SUGCT: variants seen among roughly 807,000 people sequenced by gnomAD.
The protein encoded by SUGCT is succinyl-CoA:glutarate-CoA transferase.
A neutral mutation model predicts 55.0 loss-of-function variants in SUGCT; 41 were observed. The ratio of observed to expected loss-of-function variants is 0.74; its 90% confidence interval spans 0.58 to 0.97. The LOEUF is 0.97. SUGCT is among the 50% of genes least tolerant of loss of function. The pLI is 0.00. For missense variants in SUGCT, 568 were observed against 547.8 expected (o/e 1.04, Z -0.37); for synonymous variants, 187 against 200.4 (o/e 0.93, Z 0.56).
chr7:40,626,206 T>C (rs1201203351), intron 12 of SUGCT, among the ~76,000 whole-genome samples: 1 of 152,020 alleles, frequency 6.6e-6, no homozygotes, highest in Non-Finnish European at 1.5e-5. Context: ...TCCCCCAGAC[T>C]CTGTGTTATT....
intron 12 of SUGCT, among the ~76,000 whole-genome samples, chr7:40,672,875 G>A (rs1225683522): frequency 1.3e-5 from 2 of 152,122 alleles, no homozygotes; most frequent in Non-Finnish European, 2.9e-5. Flanking sequence ...ACAATTTGAT[G>A]AGTTTTGATA....
chr7:40,181,445 C>A (rs1032060855), intron 2 of SUGCT, among the ~76,000 whole-genome samples: 5 of 151,928 alleles, frequency 3.3e-5, no homozygotes, highest in African/African-American at 1.2e-4. Context: ...GGATAAAATT[C>A]TAGAAAAAGA....
rs1784261256 is a variant in SUGCT at position 40,163,185 on chromosome 7, T to G, written c.101-17762T>G. On this transcript the variant is annotated intron_variant, in intron 1 of 13. Transcript: ENST00000335693. ...TAATTGCAAGAGAAGCTGGAAAATGTGGAAGAGCAGTGAGATTTGGGATTA... is the reference window on the plus strand; with the variant it reads ...TAATTGCAAGAGAAGCTGGAAAATGGGGAAGAGCAGTGAGATTTGGGATTA... Among the ~76,000 whole-genome samples the G allele has an allele frequency of 3.3e-5, 5 of 152,194 alleles. No individual in the cohort carries two copies. The South Asian group carries it at 1.0e-3, about 32-fold the overall frequency.
At chr7:40,450,447 C>G (rs1789127577) in intron 10 of SUGCT, among the ~76,000 whole-genome samples, 1 of 145,894 alleles carries the variant, frequency 6.9e-6, no homozygotes, top group African/African-American at 2.5e-5. Context: ...AGCTTTTATA[C>G]TAAATTTTAC....
intron 13 of SUGCT, among the ~76,000 whole-genome samples, chr7:40,763,841 T>C (rs1167649076): frequency 6.6e-6 from 1 of 152,154 alleles, no homozygotes; most frequent in Non-Finnish European, 1.5e-5. Flanking sequence ...ACAGAAACGA[T>C]TCCTCCTTTC....
chr7:40,307,581 T>C (rs1313153801), intron 8 of SUGCT, among the ~76,000 whole-genome samples: 1 of 152,200 alleles, frequency 6.6e-6, no homozygotes, highest in Non-Finnish European at 1.5e-5. Flanking sequence ...GGGGTCATCA[T>C]AGTACCTCTC....
intron 9 of SUGCT, among the ~76,000 whole-genome samples, chr7:40,347,517 A>G (rs1043544395): frequency 6.6e-6 from 1 of 152,224 alleles, no homozygotes; most frequent in East Asian, 1.9e-4. Context: ...TTATAGTAAA[A>G]TGGGAGATAA....
chr7:40,916,472 A>G, the SUGCT span, among the ~76,000 whole-genome samples: 1 of 152,166 alleles, frequency 6.6e-6, no homozygotes, highest in South Asian at 2.1e-4. Context: ...AGCTTCTGAC[A>G]TCTTGTGAGG....
At chr7:40,734,945 A>G (rs562902013) in intron 12 of SUGCT, among the ~76,000 whole-genome samples, 1 of 152,246 alleles carries the variant, frequency 6.6e-6, no homozygotes, top group Admixed American at 6.5e-5. Flanking sequence ...GAAATATAGT[A>G]TATATACAAC....
chr7:40,478,559 G>A (rs1233110508), intron 11 of SUGCT, among the ~76,000 whole-genome samples: 1 of 152,028 alleles, frequency 6.6e-6, no homozygotes, highest in Non-Finnish European at 1.5e-5. Flanking sequence ...AATAAATATT[G>A]TATATATTTA....
chr7:40,518,503 A>G (rs544661507), intron 12 of SUGCT, among the ~76,000 whole-genome samples: 10 of 152,268 alleles, frequency 6.6e-5, no homozygotes, highest in African/African-American at 2.4e-4. Context: ...GTCAACTCAG[A>G]TGTTGTTTTT....
intron 8 of SUGCT, 47 bp downstream of exon 8, chr7:40,274,703 T>G: frequency 6.3e-7 from 1 of 1,582,310 alleles, no homozygotes; most frequent in Middle Eastern, 1.7e-4. Context: ...AAACTGTGTC[T>G]GGGTTATACC....
intron 8 of SUGCT, among the ~76,000 whole-genome samples, chr7:40,278,753 T>G (rs1331892680): frequency 6.6e-6 from 1 of 152,006 alleles, no homozygotes; most frequent in Non-Finnish European, 1.5e-5. Flanking sequence ...TTGACCTTCT[T>G]CCCTCTCCCT....
chr7:40,280,691 G>A (rs1270903226), intron 8 of SUGCT, among the ~76,000 whole-genome samples: 2 of 152,018 alleles, frequency 1.3e-5, no homozygotes, highest in Non-Finnish European at 2.9e-5. Flanking sequence ...AAAATTCATT[G>A]TTTTGTGTCC....
chr7:40,998,638 C>T, the SUGCT span, among the ~76,000 whole-genome samples: 7 of 152,202 alleles, frequency 4.6e-5, no homozygotes, highest in Admixed American at 4.6e-4. Flanking sequence ...CTCAAAGGTT[C>T]TGATTTAATC....
intron 9 of SUGCT, among the ~76,000 whole-genome samples, chr7:40,398,669 G>A (rs1326874620): frequency 1.3e-5 from 2 of 151,970 alleles, no homozygotes; most frequent in African/African-American, 4.8e-5. Flanking sequence ...AATTAGTCCT[G>A]TTATAAGGCC....
At chr7:40,500,006 A>G (rs1792193253) in intron 12 of SUGCT, among the ~76,000 whole-genome samples, 1 of 152,320 alleles carries the variant, frequency 6.6e-6, no homozygotes, top group Admixed American at 6.5e-5. Flanking sequence ...CTGCAAACAT[A>G]GGTATATATC....
intron 12 of SUGCT, among the ~76,000 whole-genome samples, chr7:40,663,428 T>C (rs1801435116): frequency 2.6e-5 from 4 of 152,088 alleles, no homozygotes; most frequent in Admixed American, 2.6e-4. Flanking sequence ...TCTCTGTCCC[T>C]GTCTCTGTCT....
chr7:40,195,913 C>T (rs1292636728), intron 6 of SUGCT, among the ~76,000 whole-genome samples: 6 of 151,726 alleles, frequency 4.0e-5, no homozygotes, highest in Non-Finnish European at 8.8e-5. Context: ...AGTGTTTCAC[C>T]ATGTTGGCGA....
Sources: gnomAD v4.1 joint callset for allele counts (sites outside exome capture counted in the v4.1 genomes callset) on GRCh38, gnomAD v4.1.1 for gene constraint, MANE v1.5 for transcripts, NCBI Gene and HGNC (gene_info 2026-07-23, HGNC 2026-07-21) for gene names.